Variants in KCNN3 observed in about 807,000 individuals in gnomAD.
KCNN3 encodes potassium calcium-activated channel subfamily N member 3, also known as small conductance calcium-activated potassium channel protein 3.
KCNN3 carries 16 observed loss-of-function variants against 62.9 expected under a neutral mutation model. The observed-to-expected ratio is 0.25, with a 90% confidence interval of 0.17 to 0.39. The LOEUF (loss-of-function observed/expected upper bound fraction) is 0.39, where lower values mean the gene tolerates loss of function less well. Among genes scored for constraint, KCNN3 ranks in the 10% least tolerant of loss-of-function variants. KCNN3 has a pLI of 1.00. For missense variants in KCNN3, 599 were observed against 949.4 expected (o/e 0.63, Z 4.85); for synonymous variants, 370 against 389.2 (o/e 0.95, Z 0.58).
At chr1:154,863,124 C>A (rs983491803) in intron 1 of KCNN3, among the ~76,000 whole-genome samples, 1 of 152,174 alleles carries the variant, frequency 6.6e-6, no homozygotes, top group Non-Finnish European at 1.5e-5. Context: ...GCCAGCCCAG[C>A]GAAGTGCTGG....
At chr1:154,833,414 T>A (rs956410291) in intron 1 of KCNN3, among the ~76,000 whole-genome samples, 3 of 152,214 alleles carry the variant, frequency 2.0e-5, no homozygotes, top group African/African-American at 7.2e-5. Flanking sequence ...CCAGCCATGC[T>A]TCCAGGCTTC....
At chr1:154,753,774 T>C (rs937721549) in intron 3 of KCNN3, among the ~76,000 whole-genome samples, 2 of 152,208 alleles carry the variant, frequency 1.3e-5, no homozygotes, top group African/African-American at 4.8e-5. Flanking sequence ...GGTCTCCTCT[T>C]GTTTGAACTT....
chr1:154,854,891 G>A (rs953055987), intron 1 of KCNN3, among the ~76,000 whole-genome samples: 3 of 152,222 alleles, frequency 2.0e-5, no homozygotes, highest in Non-Finnish European at 4.4e-5. Context: ...TAATGTGTTT[G>A]TGTTATTACA....
chr1:154,802,822 C>A (rs1406775282), intron 2 of KCNN3, among the ~76,000 whole-genome samples: 1 of 152,220 alleles, frequency 6.6e-6, no homozygotes, highest in Non-Finnish European at 1.5e-5. Context: ...AGAGGCAGAC[C>A]CACACAGGCC....
At chr1:154,739,866 A>T (rs1158412520) in intron 3 of KCNN3, among the ~76,000 whole-genome samples, 1 of 152,276 alleles carries the variant, frequency 6.6e-6, no homozygotes, top group Non-Finnish European at 1.5e-5. Context: ...GCTTAGAAGC[A>T]GGTGTTCTTT....
At chr1:154,779,558 T>G (rs1648935605) in intron 2 of KCNN3, among the ~76,000 whole-genome samples, 1 of 152,204 alleles carries the variant, frequency 6.6e-6, no homozygotes, top group African/African-American at 2.4e-5. Context: ...ATTTAAAAAG[T>G]TATTTTGCAA....
chr1:154,846,505 G>A (rs557608483), intron 1 of KCNN3, among the ~76,000 whole-genome samples: 4 of 152,140 alleles, frequency 2.6e-5, no homozygotes, highest in East Asian at 1.9e-4. Context: ...TAGAAGTGCC[G>A]GTACACAGCA....
intron 1 of KCNN3, among the ~76,000 whole-genome samples, chr1:154,848,457 G>C (rs1487784995): frequency 6.6e-6 from 1 of 152,084 alleles, no homozygotes; most frequent in South Asian, 2.1e-4. Context: ...CCATGCTGTG[G>C]CTGGAGCACA....
chr1:154,796,453 G>A (rs571891548), intron 2 of KCNN3, among the ~76,000 whole-genome samples: 1 of 151,600 alleles, frequency 6.6e-6, no homozygotes, highest in East Asian at 1.9e-4. Flanking sequence ...TCCCATTGGT[G>A]CCAAACATAC....
intron 1 of KCNN3, among the ~76,000 whole-genome samples, chr1:154,856,232 G>A (rs956054121): frequency 6.6e-6 from 1 of 152,150 alleles, no homozygotes; most frequent in Non-Finnish European, 1.5e-5. Flanking sequence ...TGGCCTGCAG[G>A]GAGGAGGCAG....
At chr1:154,755,877 TGAG>T (rs1252158181) in intron 3 of KCNN3, among the ~76,000 whole-genome samples, 55 of 71,040 alleles carry the variant, frequency 7.7e-4, no homozygotes, top group Non-Finnish European at 1.0e-3. Flanking sequence ...AAGAGGAAGA[TGAG>T]GAGGAAGAGG....
At chr1:154,735,170 C>G (rs923016208) in intron 3 of KCNN3, among the ~76,000 whole-genome samples, 1 of 152,126 alleles carries the variant, frequency 6.6e-6, no homozygotes, top group African/African-American at 2.4e-5. Context: ...TCTGAAGAGA[C>G]AGGACACAGA....
intron 1 of KCNN3, among the ~76,000 whole-genome samples, chr1:154,832,245 T>C (rs771216109): frequency 4.3e-4 from 65 of 151,686 alleles, no homozygotes; most frequent in Non-Finnish European, 6.3e-4. Context: ...TGAGTGCTCT[T>C]GGCCAGTTAG....
chr1:154,772,183 G>T lies in KCNN3; in HGVS notation c.1240C>A (p.Arg414Ser). 1 of 1,614,222 alleles carries T rather than the reference G, an allele frequency of 6.2e-7. No homozygotes were observed. Among genetic ancestry groups the T allele is most frequent in the Non-Finnish European group, 8.5e-7 (1 of 1,180,038 alleles). Residue 414 changes from arginine to serine, a missense_variant, in exon 3 of 8, where the codon CGC becomes AGC. Arg to Ser is a moderately radical substitution (Grantham distance 110, BLOSUM62 -1). Transcript: ENST00000271915. This position sits in a 1 kb window ranked among gnomAD's most constrained non-coding sequence, Gnocchi z 5.6. ...DIILSIPMFL[R>S]LYLIARVMLL... is the part of the protein sequence containing the mutation. ...ATGACTCGGGCGATCAGGTACAGGC[G>T]CAGGAACATGGGGATAGACAGGATG... is the stretch of plus-strand genomic sequence containing the variant.
At chr1:154,725,120 C>T (rs1700434356) in intron 5 of KCNN3, among the ~76,000 whole-genome samples, 1 of 152,196 alleles carries the variant, frequency 6.6e-6, no homozygotes, top group Non-Finnish European at 1.5e-5. Context: ...TCCCAAAGTG[C>T]TGGGATTACA....
Position 154,772,630 on chromosome 1 carries a change from C to A in KCNN3, c.1030-237G>T, listed in dbSNP as rs1199575562. 6.6e-6 allele frequency among the ~76,000 whole-genome samples: 1 copy of A among 152,260 alleles called. No homozygotes were observed. Among genetic ancestry groups the A allele is most frequent in the African/African-American group, 2.4e-5 (1 of 41,474 alleles). On this transcript the variant is annotated intron_variant, in intron 2 of 7. Transcript: ENST00000271915. The surrounding 1 kb of genome is among the most constrained non-coding windows in gnomAD (Gnocchi z 5.6). ...AGACACTTTGACTCTCTTGGCCTCA[C>A]TTTCCTCCTCTGCAAATCGCTGCCT...
intron 2 of KCNN3, among the ~76,000 whole-genome samples, chr1:154,778,521 C>G (rs913945321): frequency 6.6e-6 from 1 of 152,152 alleles, no homozygotes; most frequent in Non-Finnish European, 1.5e-5. Flanking sequence ...CAGATTCCTC[C>G]CATCCCATTC....
At chr1:154,714,612 G>GT (rs1553227050) in intron 6 of KCNN3, among the ~76,000 whole-genome samples, 4,684 of 24,788 alleles carry the variant, frequency 0.19, 763 homozygotes, top group South Asian at 0.42. Flanking sequence ...TGTGGTGTGT[G>GT]GTGTGTGTGT....
chr1:154,748,502 G>T (rs1700988624), intron 3 of KCNN3, among the ~76,000 whole-genome samples: 2 of 152,222 alleles, frequency 1.3e-5, no homozygotes, highest in South Asian at 4.1e-4. Flanking sequence ...GGCTATCTCT[G>T]TGTGGTAGGT....
Sources: allele counts gnomAD v4.1 joint callset (sites outside exome capture counted in the v4.1 genomes callset), GRCh38; gene constraint gnomAD v4.1.1; non-coding constraint Gnocchi (gnomAD v3.1); transcripts MANE v1.5; gene names NCBI Gene and HGNC (gene_info 2026-07-23, HGNC 2026-07-21).